Variants in AJAP1 observed in about 807,000 individuals in gnomAD.
AJAP1 encodes the protein adherens junctions associated protein 1, also known as adherens junction-associated protein 1.
In AJAP1, 5 loss-of-function variants were observed where a neutral mutation model predicts 35.0. That is an observed-to-expected ratio of 0.14 (90% CI 0.07 to 0.30). The LOEUF is 0.30. AJAP1 is among the 10% of genes least tolerant of loss of function. The pLI is 1.00. For missense variants in AJAP1, 586 were observed against 571.0 expected, an observed-to-expected ratio of 1.03 and a Z score of -0.27; for synonymous variants, 284 against 249.3, an observed-to-expected ratio of 1.14 and a Z score of -1.31.
chr1:4,703,038 G>A (rs932677256), intron 1 of AJAP1, among the ~76,000 whole-genome samples: 1 of 152,078 alleles, frequency 6.6e-6, no homozygotes, highest in Non-Finnish European at 1.5e-5. Flanking sequence ...GTCAAGTATC[G>A]CATGCGCGCT....
intron 2 of AJAP1, among the ~76,000 whole-genome samples, chr1:4,754,865 CA>C (rs3835541): frequency 0.25 from 37,633 of 152,090 alleles, 5,107 homozygotes; most frequent in Non-Finnish European, 0.31. Flanking sequence ...CCCCTCATCT[CA>C]ACCTGGGGCA....
chr1:4,726,794 C>T (rs1027052259), intron 2 of AJAP1, among the ~76,000 whole-genome samples: 10 of 152,272 alleles, frequency 6.6e-5, no homozygotes, highest in African/African-American at 1.7e-4. Flanking sequence ...CTGCATTGCA[C>T]GGCCGGCTGC....
chr1:4,705,630 C>T (rs773114264), intron 1 of AJAP1, among the ~76,000 whole-genome samples: 20 of 151,632 alleles, frequency 1.3e-4, no homozygotes, highest in Admixed American at 3.3e-4. Flanking sequence ...CAGATACTTC[C>T]TCTCTGTGGG....
At chr1:4,751,531 T>C (rs1270395249) in intron 2 of AJAP1, among the ~76,000 whole-genome samples, 2 of 152,210 alleles carry the variant, frequency 1.3e-5, no homozygotes, top group African/African-American at 4.8e-5. Context: ...GTATTTATGA[T>C]GTGGCTGCTG....
At chr1:4,668,356 G>A (rs1299378484) in intron 1 of AJAP1, among the ~76,000 whole-genome samples, 1 of 152,064 alleles carries the variant, frequency 6.6e-6, no homozygotes, top group African/African-American at 2.4e-5. Flanking sequence ...GTGTGTGTGT[G>A]TGTGTCTGTG....
intron 2 of AJAP1, among the ~76,000 whole-genome samples, chr1:4,713,972 G>A (rs1156715374): frequency 2.0e-5 from 3 of 152,214 alleles, no homozygotes; most frequent in African/African-American, 4.8e-5. Flanking sequence ...ACTAGACTGC[G>A]TCCTGGCCCT....
intron 2 of AJAP1, among the ~76,000 whole-genome samples, chr1:4,715,408 G>A (rs979824682): frequency 4.6e-5 from 7 of 152,226 alleles, no homozygotes; most frequent in Non-Finnish European, 7.3e-5. Context: ...GAAATAGGCC[G>A]TGTGCAGTGG....
intron 1 of AJAP1, among the ~76,000 whole-genome samples, chr1:4,666,153 A>G (rs1013737153): frequency 2.5e-4 from 36 of 144,480 alleles, no homozygotes; most frequent in African/African-American, 9.3e-4. Context: ...CGGCCCACCC[A>G]GGAGGGGCAC....
Position 4,712,637 on chromosome 1 carries a change from C to T in AJAP1, c.767C>T (p.Ser256Phe), listed in dbSNP as rs770339270. ...GGTGGGGTTAGCACAACGGAGCCTT[C>T]CACCAGTCCCAGCAACAACGGGGAA... ...IPGGVSTTEP[S>F]TSPSNNGEVT... Residue 256 changes from serine to phenylalanine, a missense_variant, in exon 2 of 6, where the codon TCC becomes TTC. By Grantham distance (155) the Ser-to-Phe change is radical (BLOSUM62 -2). Coordinates refer to ENST00000378191, the MANE Select transcript of AJAP1 (RefSeq NM_018836.4). The T allele has an allele frequency of 1.9e-6, 3 of 1,558,794 alleles. No individual in the cohort carries two copies. The Admixed American group carries it at 5.6e-5, about 29-fold the overall frequency.
intron 2 of AJAP1, among the ~76,000 whole-genome samples, chr1:4,760,562 G>GGCCT (rs1288097132): frequency 6.6e-6 from 1 of 152,208 alleles, no homozygotes; most frequent in Non-Finnish European, 1.5e-5. Context: ...GGATGGCCCA[G>GGCCT]GGTCCATGGC....
chr1:4,779,061 A>C (rs1334000792), intron 5 of AJAP1, among the ~76,000 whole-genome samples: 1 of 152,198 alleles, frequency 6.6e-6, no homozygotes, highest in East Asian at 1.9e-4. Context: ...CCCATACCGA[A>C]GATGTCACCG....
rs1325024162 is a variant in AJAP1 at position 4,782,903 on chromosome 1, G to T, written c.*418G>T. 5.0e-6 allele frequency: 2 copies of T among 398,518 alleles called. No individual in the cohort carries two copies. The highest frequency in any genetic ancestry group is 3.6e-5 in the East Asian group (1 of 28,058). The allele number at this position is 398,518 out of a possible 1,614,324, so 24.7% of individuals were successfully genotyped here. On this transcript the variant is annotated 3_prime_UTR_variant, in exon 6 of 6. Coordinates refer to ENST00000378191, the MANE Select transcript of AJAP1 (RefSeq NM_018836.4). This position sits in a 1 kb window ranked among gnomAD's most constrained non-coding sequence, Gnocchi z 5.3. Reference sequence around the variant, plus strand: ...ATAATACCATTATGTGCCATGTACTGACCCGAAAGGCTCGGCCGCAGAGCC... The same window carrying T: ...ATAATACCATTATGTGCCATGTACTTACCCGAAAGGCTCGGCCGCAGAGCC...
intron 2 of AJAP1, among the ~76,000 whole-genome samples, chr1:4,713,004 C>T (rs568120012): frequency 5.3e-5 from 8 of 152,102 alleles, no homozygotes; most frequent in East Asian, 1.9e-4. Context: ...TGTTACAGAC[C>T]GGTGGAATCC....
intron 5 of AJAP1, among the ~76,000 whole-genome samples, chr1:4,777,988 C>T (rs537665567): frequency 4.2e-4 from 64 of 152,254 alleles, no homozygotes; most frequent in Admixed American, 1.4e-3. Context: ...CTGCTCTGCC[C>T]CGGGGACACC....
chr1:4,657,560 A>G (rs1356472160), intron 1 of AJAP1, among the ~76,000 whole-genome samples: 8 of 152,198 alleles, frequency 5.3e-5, no homozygotes, highest in African/African-American at 1.9e-4. Flanking sequence ...CTTTGCTTGC[A>G]AGCCACTCCG....
At chr1:4,668,923 GA>G (rs1246329798) in intron 1 of AJAP1, among the ~76,000 whole-genome samples, 1 of 152,212 alleles carries the variant, frequency 6.6e-6, no homozygotes, top group Non-Finnish European at 1.5e-5. Context: ...CAAGTAGGTA[GA>G]ATTTATGTCA....
intron 1 of AJAP1, among the ~76,000 whole-genome samples, chr1:4,673,236 C>T (rs1328949648): frequency 6.6e-6 from 1 of 152,174 alleles, no homozygotes. Flanking sequence ...GGTGTTTACA[C>T]TCCTGTGTTT....
chr1:4,769,614 G>C (rs1159671176), intron 2 of AJAP1, among the ~76,000 whole-genome samples: 2 of 151,992 alleles, frequency 1.3e-5, no homozygotes, highest in African/African-American at 4.8e-5. Flanking sequence ...GGTGGAAGGA[G>C]AGAGCCCAGA....
chr1:4,697,410 G>A (rs1639889030), intron 1 of AJAP1, among the ~76,000 whole-genome samples: 1 of 152,262 alleles, frequency 6.6e-6, no homozygotes, highest in African/African-American at 2.4e-5. Context: ...ATTTTTCAGT[G>A]GTTACTGTAG....
Sources: allele counts gnomAD v4.1 joint callset (sites outside exome capture counted in the v4.1 genomes callset), GRCh38; gene constraint gnomAD v4.1.1; non-coding constraint Gnocchi (gnomAD v3.1); transcripts MANE v1.5; gene names NCBI Gene and HGNC (gene_info 2026-07-23, HGNC 2026-07-21).